MYDGF: variants seen among roughly 807,000 people sequenced by gnomAD.
MYDGF encodes the protein myeloid-derived growth factor.
Under a neutral mutation model 24.2 loss-of-function variants are expected in MYDGF, and 29 were observed. That is an observed-to-expected ratio of 1.20 (90% CI 0.89 to 1.63). The LOEUF (loss-of-function observed/expected upper bound fraction) is 1.63. Ranked by LOEUF, MYDGF falls within the 40% of genes most tolerant of loss-of-function variation. MYDGF has a pLI of 0.00. For synonymous variants in MYDGF, 105 were observed against 102.5 expected (o/e 1.02, Z -0.15); for missense variants, 245 against 234.8 (o/e 1.04, Z -0.29).
rs775244686 is a variant in MYDGF at position 4,670,193 on chromosome 19, C to CGACGCCGCCGGGCCGCACGTCA, written c.120_141dup (p.Val48Ter). The CGACGCCGCCGGGCCGCACGTCA allele has an allele frequency of 5.8e-6, 9 of 1,555,714 alleles. No individual in the cohort carries two copies. The highest frequency in any genetic ancestry group is 6.9e-6 in the Non-Finnish European group (8 of 1,154,100). Reference sequence around the variant, plus strand: ...CCCACGTTATGGGAGAAGGAATGCACGACGCCGCCGGGCCGCACGTCAAAC... The same window carrying CGACGCCGCCGGGCCGCACGTCA: ...CCCACGTTATGGGAGAAGGAATGCACGACGCCGCCGGGCCGCACGTCAGACGCCGCCGGGCCGCACGTCAAAC... On this transcript the variant is annotated stop_gained and frameshift_variant, in exon 1 of 6. Transcript: ENST00000262947. LOFTEE classifies it high-confidence loss of function.
chr19:4,666,673 AT>A (rs2088524054), intron 2 of MYDGF, among the ~76,000 whole-genome samples: 1 of 152,184 alleles, frequency 6.6e-6, no homozygotes, highest in Non-Finnish European at 1.5e-5. Context: ...GGCCAAGGTT[AT>A]TCACGGACTG....
intron 5 of MYDGF, among the ~76,000 whole-genome samples, chr19:4,658,658 G>C (rs924271267): frequency 6.6e-6 from 1 of 152,150 alleles, no homozygotes; most frequent in African/African-American, 2.4e-5. Context: ...AATGTGGCTT[G>C]AGGACACCGG....
intron 3 of MYDGF, among the ~76,000 whole-genome samples, chr19:4,661,691 G>A (rs557423397): frequency 4.7e-4 from 71 of 152,046 alleles, no homozygotes; most frequent in Non-Finnish European, 7.5e-4. Context: ...TGGGTGGGGC[G>A]GGGGTATCCA....
At chr19:4,659,452 G>C (rs1454671284) in intron 5 of MYDGF, among the ~76,000 whole-genome samples, 1 of 151,714 alleles carries the variant, frequency 6.6e-6, no homozygotes, top group Non-Finnish European at 1.5e-5. Flanking sequence ...TGGAACTCCT[G>C]ACCTCAAGTG....
chr19:4,665,049 AG>A, intron 2 of MYDGF, 112 bp from the exon 3 acceptor site: 1 of 1,197,480 alleles, frequency 8.4e-7, no homozygotes. Flanking sequence ...CTCCCGATTC[AG>A]GGGCTGGCCA....
At chr19:4,668,015 T>A (rs1016560082) in intron 2 of MYDGF, among the ~76,000 whole-genome samples, 3 of 152,048 alleles carry the variant, frequency 2.0e-5, no homozygotes, top group African/African-American at 7.2e-5. Flanking sequence ...GCAACCTCCG[T>A]CTCCTGGGTT....
At chr19:4,659,297 C>T (rs1000408825) in intron 5 of MYDGF, among the ~76,000 whole-genome samples, 24 of 151,976 alleles carry the variant, frequency 1.6e-4, no homozygotes, top group African/African-American at 5.8e-4. Context: ...AGTGCAGTGG[C>T]ATGATCTCAG....
intron 3 of MYDGF, among the ~76,000 whole-genome samples, chr19:4,661,449 C>CA (rs1233955673): frequency 6.6e-6 from 1 of 152,202 alleles, no homozygotes; most frequent in Non-Finnish European, 1.5e-5. Flanking sequence ...AAAGGCTTCT[C>CA]AGAGGGCATT....
rs1310625558 is a variant in MYDGF at position 4,667,120 on chromosome 19, CCTTT to C, written c.225+1471_225+1474del. On this transcript the variant is annotated intron_variant, in intron 2 of 5. Transcript: ENST00000262947. ...TATGTGTCCATGTGCTTCAAATCAC[CCTTT>C]TTTTTTTTTTTTTTTTTTTTTTGAG... Among the ~76,000 whole-genome samples, 7 of 148,612 alleles carry C rather than the reference CCTTT, an allele frequency of 4.7e-5. No homozygotes were observed. In the South Asian group the frequency reaches 8.5e-4, roughly 18 times the overall value.
At chr19:4,662,160 G>A (rs1295301928) in intron 3 of MYDGF, among the ~76,000 whole-genome samples, 1 of 152,144 alleles carries the variant, frequency 6.6e-6, no homozygotes, top group South Asian at 2.1e-4. Context: ...AAAGCGCCCC[G>A]CAGGGCACGG....
chr19:4,664,833 G>A (rs2088508073), intron 3 of MYDGF, 43 bp downstream of exon 3: 1 of 1,606,004 alleles, frequency 6.2e-7, no homozygotes, highest in Non-Finnish European at 8.5e-7. Flanking sequence ...CCACAGGGCA[G>A]GCCAACGGCA....
chr19:4,657,727 C>T lies in MYDGF; in HGVS notation c.*278G>A. ...CCAGCATAGCCCCCATGTTCCCCAC[C>T]CTCTTTGTGCCCCGGATCTGCGATC... On this transcript the variant is annotated 3_prime_UTR_variant, in exon 6 of 6. Transcript: ENST00000262947. 3 of 308,552 alleles carry T rather than the reference C, an allele frequency of 9.7e-6. No homozygotes were observed. The highest frequency in any genetic ancestry group is 1.8e-5 in the Non-Finnish European group (3 of 165,414). The allele number at this position is 308,552 out of a possible 1,614,324, so 19.1% of individuals were successfully genotyped here.
At chr19:4,662,238 T>G (rs1367655749) in intron 3 of MYDGF, among the ~76,000 whole-genome samples, 4 of 152,196 alleles carry the variant, frequency 2.6e-5, no homozygotes. Flanking sequence ...CACTCCCTGA[T>G]CTCTGCCTCC....
chr19:4,662,108 A>C (rs928101108), intron 3 of MYDGF, among the ~76,000 whole-genome samples: 1 of 152,094 alleles, frequency 6.6e-6, no homozygotes, highest in African/African-American at 2.4e-5. Context: ...AGCCAGTTCC[A>C]TGGAGTGGGT....
intron 5 of MYDGF, 156 bp downstream of exon 5, chr19:4,659,775 A>T: frequency 1.5e-6 from 1 of 683,860 alleles, no homozygotes; most frequent in Non-Finnish European, 2.6e-6. Flanking sequence ...ACAAAGCTGA[A>T]GATATTGACG....
intron 3 of MYDGF, among the ~76,000 whole-genome samples, chr19:4,664,595 C>G (rs549046335): frequency 7.2e-5 from 11 of 152,170 alleles, no homozygotes; most frequent in Admixed American, 2.6e-4. Context: ...GTCCACGCTC[C>G]GCACCCTCTG....
At chr19:4,667,601 C>T (rs1383680480) in intron 2 of MYDGF, among the ~76,000 whole-genome samples, 2 of 152,154 alleles carry the variant, frequency 1.3e-5, no homozygotes, top group African/African-American at 4.8e-5. Flanking sequence ...CTTCTGCCAC[C>T]AGCTGGAGAC....
At chr19:4,661,996 G>C (rs2088474906) in intron 3 of MYDGF, among the ~76,000 whole-genome samples, 1 of 152,160 alleles carries the variant, frequency 6.6e-6, no homozygotes, top group Non-Finnish European at 1.5e-5. Flanking sequence ...GCTTCCCCAA[G>C]ACTACAGGGC....
chr19:4,670,009 C>G, intron 1 of MYDGF, 152 bp downstream of exon 1: 1 of 875,858 alleles, frequency 1.1e-6, no homozygotes, highest in Non-Finnish European at 1.6e-6. Flanking sequence ...TCCCGCGCCC[C>G]CCACTCAGCC....
Sources: allele counts gnomAD v4.1 joint callset (sites outside exome capture counted in the v4.1 genomes callset), GRCh38; gene constraint gnomAD v4.1.1; transcripts MANE v1.5; gene names NCBI Gene and HGNC (gene_info 2026-07-23, HGNC 2026-07-21).